The following MOB3B variants were observed in gnomAD, a reference collection of about 807,000 sequenced individuals.
MOB3B encodes MOB kinase activator 3B, also known as MOB kinase activator-like 2B.
A neutral mutation model predicts 18.7 loss-of-function variants in MOB3B; 7 were observed. The observed-to-expected ratio is 0.37, with a 90% CI of 0.21 to 0.70. The LOEUF is 0.70. Among genes scored for constraint, MOB3B ranks in the 30% least tolerant of loss-of-function variants. MOB3B has a pLI of 0.52. For missense variants in MOB3B, 253 were observed against 281.3 expected (o/e 0.90, Z 0.72); for synonymous variants, 111 against 99.9 (o/e 1.11, Z -0.66).
intron 2 of MOB3B, among the ~76,000 whole-genome samples, chr9:27,375,736 C>T (rs1038037863): frequency 1.3e-5 from 2 of 152,160 alleles, no homozygotes; most frequent in Non-Finnish European, 2.9e-5. Context: ...TTTTGCCCAG[C>T]ACAATCTCCC....
chr9:27,452,160 C>T (rs1381142621), intron 2 of MOB3B, among the ~76,000 whole-genome samples: 5 of 152,162 alleles, frequency 3.3e-5, no homozygotes, highest in Non-Finnish European at 5.9e-5. Context: ...ATGTGCTGGG[C>T]CTTTATAAAG....
At chr9:27,518,724 G>A (rs1335991327) in intron 1 of MOB3B, among the ~76,000 whole-genome samples, 1 of 152,156 alleles carries the variant, frequency 6.6e-6, no homozygotes, top group Non-Finnish European at 1.5e-5. Context: ...TTAAATGACA[G>A]CTACAGGGAG....
chr9:27,513,137 C>G (rs184447434), intron 1 of MOB3B, among the ~76,000 whole-genome samples: 3 of 152,310 alleles, frequency 2.0e-5, no homozygotes, highest in Admixed American at 2.0e-4. Flanking sequence ...GTAAAGATCT[C>G]ATAATCAAAT....
intron 1 of MOB3B, among the ~76,000 whole-genome samples, chr9:27,489,477 C>T (rs73646510): frequency 8.6e-4 from 131 of 152,294 alleles, no homozygotes; most frequent in African/African-American, 3.0e-3. Flanking sequence ...GCCACACTTG[C>T]CTTGAAATTT....
chr9:27,495,589 A>G (rs769749875), intron 1 of MOB3B, among the ~76,000 whole-genome samples: 17 of 152,282 alleles, frequency 1.1e-4, no homozygotes, highest in South Asian at 8.3e-4. Context: ...CAGACACTCA[A>G]TTCAGGCTAT....
intron 1 of MOB3B, among the ~76,000 whole-genome samples, chr9:27,497,192 A>C (rs1225726332): frequency 1.3e-5 from 2 of 152,174 alleles, no homozygotes; most frequent in African/African-American, 4.8e-5. Flanking sequence ...AACTTTGTGG[A>C]GGTTACTTTA....
Position 27,326,740 on chromosome 9 carries a change from G to A in MOB3B, c.*3847C>T. The A allele has an allele frequency of 2.5e-6, 1 of 396,760 alleles. No homozygotes were observed. Among genetic ancestry groups the A allele is most frequent in the East Asian group, 3.6e-5 (1 of 27,982 alleles). 24.6% of individuals were successfully genotyped at this position (396,760 alleles called of 1,614,324 possible). On this transcript the variant is annotated 3_prime_UTR_variant, in exon 4 of 4. Transcript: ENST00000262244. ...GAAGAGAAAACGAACAATTTAAGAA[G>A]CAGGAAATGACTCTAGATCAGTATT... is the stretch of plus-strand genomic sequence containing the variant.
At chr9:27,525,091 A>G (rs1820415231) in intron 1 of MOB3B, 11 of 736,526 alleles carry the variant, frequency 1.5e-5, no homozygotes, top group Non-Finnish European at 2.4e-5. Flanking sequence ...GCCTCGGAAC[A>G]TCAGGGACAC....
At chr9:27,344,764 C>A (rs1821006636) in intron 3 of MOB3B, among the ~76,000 whole-genome samples, 1 of 152,244 alleles carries the variant, frequency 6.6e-6, no homozygotes, top group African/African-American at 2.4e-5. Context: ...TGCCAATGCT[C>A]TCCAAAGGTG....
intron 3 of MOB3B, among the ~76,000 whole-genome samples, chr9:27,350,609 C>T (rs1321827224): frequency 6.6e-6 from 1 of 152,174 alleles, no homozygotes; most frequent in African/African-American, 2.4e-5. Flanking sequence ...GCTATTTTTG[C>T]CACATCCCCA....
intron 1 of MOB3B, among the ~76,000 whole-genome samples, chr9:27,508,190 T>C (rs1820087807): frequency 6.6e-6 from 1 of 152,240 alleles, no homozygotes; most frequent in Non-Finnish European, 1.5e-5. Context: ...AGTATTCCAC[T>C]GATATGAGAA....
chr9:27,446,913 C>T (rs990526253), intron 2 of MOB3B, among the ~76,000 whole-genome samples: 1 of 152,138 alleles, frequency 6.6e-6, no homozygotes, highest in Non-Finnish European at 1.5e-5. Context: ...ACTAGCTAGT[C>T]TTCCTAGAGC....
chr9:27,504,029 C>G (rs1250157194), intron 1 of MOB3B, among the ~76,000 whole-genome samples: 1 of 152,228 alleles, frequency 6.6e-6, no homozygotes, highest in Admixed American at 6.5e-5. Context: ...TAATGAACCT[C>G]CTACTTGCAA....
intron 2 of MOB3B, among the ~76,000 whole-genome samples, chr9:27,365,210 G>A (rs1396825347): frequency 2.0e-5 from 3 of 148,764 alleles, no homozygotes; most frequent in Non-Finnish European, 4.4e-5. Flanking sequence ...CTTTTTGCCA[G>A]ACTCCTGATA....
chr9:27,378,583 G>A, intron 2 of MOB3B: 1 of 471,134 alleles, frequency 2.1e-6, no homozygotes, highest in Non-Finnish European at 4.4e-6. Flanking sequence ...TGGTGTGCCA[G>A]TCTGTGTTCT....
At chr9:27,498,503 G>C (rs1819935829) in intron 1 of MOB3B, among the ~76,000 whole-genome samples, 1 of 152,200 alleles carries the variant, frequency 6.6e-6, no homozygotes, top group Non-Finnish European at 1.5e-5. Flanking sequence ...AAAGAAAGTA[G>C]AGGAAAGTTA....
chr9:27,380,385 C>T (rs924738845), intron 2 of MOB3B, among the ~76,000 whole-genome samples: 1 of 151,618 alleles, frequency 6.6e-6, no homozygotes, highest in African/African-American at 2.4e-5. Flanking sequence ...ACTACAGACG[C>T]CCGCCATGAC....
intron 1 of MOB3B, among the ~76,000 whole-genome samples, chr9:27,522,428 T>C (rs534393000): frequency 1.2e-4 from 17 of 139,998 alleles, no homozygotes; most frequent in Middle Eastern, 7.8e-3. Context: ...TTCATATATA[T>C]ATATATATAT....
chr9:27,337,876 C>G lies in MOB3B; in HGVS notation c.622-7260G>C, dbSNP rs765444648. ...GTATTGTGGTAAGGCATTCAATGAT[C>G]AAAATGAAAACCAACTGTTCTCTCT... On this transcript the variant is annotated intron_variant, in intron 3 of 3. Transcript: ENST00000262244. Among the ~76,000 whole-genome samples, 11 of 152,158 alleles carry G rather than the reference C, an allele frequency of 7.2e-5. 1 individual carries two copies. Among genetic ancestry groups the G allele is most frequent in the Admixed American group, 2.0e-4 (3 of 15,278 alleles).
Sources: gnomAD v4.1 joint callset for allele counts (sites outside exome capture counted in the v4.1 genomes callset) on GRCh38, gnomAD v4.1.1 for gene constraint, MANE v1.5 for transcripts, NCBI Gene and HGNC (gene_info 2026-07-23, HGNC 2026-07-21) for gene names.